The following TANC2 variants were observed in gnomAD, a reference collection of about 807,000 sequenced individuals.
TANC2 encodes the protein tetratricopeptide repeat, ankyrin repeat and coiled-coil containing 2, also known as protein TANC2.
Under a neutral mutation model 210.5 loss-of-function variants are expected in TANC2, and 26 were observed. That is an observed-to-expected ratio of 0.12 (90% CI 0.09 to 0.17). TANC2 has a LOEUF of 0.17. Ranked by LOEUF, TANC2 falls within the 10% of genes least tolerant of loss-of-function variation. TANC2 has a pLI of 1.00. For synonymous variants in TANC2, 931 were observed against 967.1 expected, an observed-to-expected ratio of 0.96 and a Z score of 0.69; for missense variants, 2,129 against 2,608.9, an observed-to-expected ratio of 0.82 and a Z score of 4.01.
At chr17:63,347,697 A>T (rs939874353) in intron 12 of TANC2, among the ~76,000 whole-genome samples, 2 of 152,224 alleles carry the variant, frequency 1.3e-5, no homozygotes, top group Non-Finnish European at 2.9e-5. Context: ...TATAAAACAA[A>T]TGAAAAAGTT....
chr17:63,006,373 T>C (rs1420377378), intron 1 of TANC2, among the ~76,000 whole-genome samples: 1 of 152,166 alleles, frequency 6.6e-6, no homozygotes, highest in Non-Finnish European at 1.5e-5. Flanking sequence ...ATTTTCATCC[T>C]TTACTTCTAA....
chr17:63,066,631 G>GT (rs990446434), intron 2 of TANC2, among the ~76,000 whole-genome samples: 1 of 152,050 alleles, frequency 6.6e-6, no homozygotes, highest in African/African-American at 2.4e-5. Context: ...CCCGACCTTA[G>GT]TGGTAACATC....
chr17:63,102,641 T>C (rs1418942261), intron 4 of TANC2, among the ~76,000 whole-genome samples: 1 of 139,660 alleles, frequency 7.2e-6, no homozygotes, highest in Admixed American at 7.1e-5. Context: ...CCCCCACCTC[T>C]GGACACAGGA....
At chr17:63,032,830 T>C (rs1409501986) in intron 2 of TANC2, among the ~76,000 whole-genome samples, 2 of 152,062 alleles carry the variant, frequency 1.3e-5, no homozygotes, top group South Asian at 2.1e-4. Flanking sequence ...GACTAGGAGT[T>C]AGTTAGACCC....
At chr17:63,331,980 A>G (rs1017641448) in intron 11 of TANC2, 2 of 289,726 alleles carry the variant, frequency 6.9e-6, no homozygotes, top group African/African-American at 2.3e-5. Flanking sequence ...TCAAAACTAC[A>G]TATTTACTTC....
intron 2 of TANC2, among the ~76,000 whole-genome samples, chr17:63,048,435 A>G (rs905329391): frequency 1.3e-5 from 2 of 152,148 alleles, no homozygotes; most frequent in Admixed American, 1.3e-4. Context: ...TAAGTAGGGT[A>G]GTTATACATT....
intron 19 of TANC2, among the ~76,000 whole-genome samples, chr17:63,403,980 G>C (rs2048421418): frequency 6.6e-6 from 1 of 152,158 alleles, no homozygotes; most frequent in Non-Finnish European, 1.5e-5. Flanking sequence ...TTGCTTCTCT[G>C]AATACGTTTT....
At chr17:62,982,054 C>T (rs893851164) in intron 1 of TANC2, among the ~76,000 whole-genome samples, 4 of 149,014 alleles carry the variant, frequency 2.7e-5, no homozygotes, top group South Asian at 2.3e-4. Flanking sequence ...AATCATTGGC[C>T]GCTGATGGAA....
intron 11 of TANC2, among the ~76,000 whole-genome samples, chr17:63,333,350 TGA>T (rs1157799166): frequency 3.3e-5 from 5 of 152,118 alleles, no homozygotes; most frequent in Non-Finnish European, 5.9e-5. Flanking sequence ...TGGATGACCT[TGA>T]GAGAGGTTCA....
intron 12 of TANC2, among the ~76,000 whole-genome samples, chr17:63,347,111 T>C (rs1192195183): frequency 6.6e-6 from 1 of 152,210 alleles, no homozygotes; most frequent in Non-Finnish European, 1.5e-5. Context: ...AAAACACTTG[T>C]ACAAGAATGT....
intron 1 of TANC2, among the ~76,000 whole-genome samples, chr17:62,973,696 A>G (rs1241067299): frequency 6.6e-6 from 1 of 152,200 alleles, no homozygotes; most frequent in Non-Finnish European, 1.5e-5. Flanking sequence ...GATTCTCTGA[A>G]CTTTAGCCAA....
In TANC2 at chr17:63,017,889, C is replaced by T. The variant is rs990895360; in HGVS notation, c.67+8263C>T. On this transcript the variant is annotated intron_variant, in intron 2 of 27. Coordinates refer to ENST00000689528, the Ensembl canonical transcript of TANC2. ...GGGCGCGGTGACTCACTCCTGTAAT[C>T]CCAGCACTTTGGGAGGCCAGGGCAA... 7.9e-5 allele frequency among the ~76,000 whole-genome samples: 12 copies of T among 152,230 alleles called. No individual in the cohort carries two copies. The South Asian group carries it at 2.5e-3, about 32-fold the overall frequency.
chr17:63,059,806 G>C (rs1220071259), intron 2 of TANC2, among the ~76,000 whole-genome samples: 5 of 151,842 alleles, frequency 3.3e-5, no homozygotes, highest in Admixed American at 3.3e-4. Flanking sequence ...CTTACTATTG[G>C]GGATGTCAGA....
chr17:62,993,408 A>G (rs1220016274), intron 1 of TANC2, among the ~76,000 whole-genome samples: 1 of 152,222 alleles, frequency 6.6e-6, no homozygotes, highest in African/African-American at 2.4e-5. Context: ...CTACAGATCA[A>G]TTTGGAGACT....
chr17:63,425,845 A>C (rs1347228698), exon 28 of TANC2: 2 of 152,258 alleles, frequency 1.3e-5, no homozygotes, highest in Non-Finnish European at 2.9e-5. Context: ...GTACATGGAG[A>C]AGCCCCTTCT....
At chr17:63,392,721 G>A (rs757820804) in intron 17 of TANC2, among the ~76,000 whole-genome samples, 5 of 152,082 alleles carry the variant, frequency 3.3e-5, no homozygotes, top group Admixed American at 6.5e-5. Context: ...ACACGTTTGA[G>A]GTGATGGGTA....
intron 8 of TANC2, among the ~76,000 whole-genome samples, chr17:63,251,998 T>G: frequency 6.6e-6 from 1 of 152,140 alleles, no homozygotes; most frequent in East Asian, 1.9e-4. Flanking sequence ...ACATTGATAT[T>G]TTACAAACCA....
At chr17:63,171,978 T>C (rs1338888963) in intron 5 of TANC2, among the ~76,000 whole-genome samples, 1 of 152,234 alleles carries the variant, frequency 6.6e-6, no homozygotes, top group Non-Finnish European at 1.5e-5. Context: ...GGATGCTGTT[T>C]TCTGGTTCCT....
At chr17:63,038,925 A>G (rs2035078000) in intron 2 of TANC2, among the ~76,000 whole-genome samples, 1 of 152,038 alleles carries the variant, frequency 6.6e-6, no homozygotes, top group Non-Finnish European at 1.5e-5. Context: ...AGTGGATAAG[A>G]GTGTATGTGT....
Sources: allele counts gnomAD v4.1 joint callset (sites outside exome capture counted in the v4.1 genomes callset), GRCh38; gene constraint gnomAD v4.1.1; transcripts MANE v1.5; gene names NCBI Gene and HGNC (gene_info 2026-07-23, HGNC 2026-07-21).